ACSS3: variants seen among roughly 807,000 people sequenced by gnomAD.
ACSS3 encodes the protein acyl-CoA synthetase short chain family member 3.
Under a neutral mutation model 84.2 loss-of-function variants are expected in ACSS3, and 64 were observed. That is an observed-to-expected ratio of 0.76 (90% CI 0.62 to 0.94). ACSS3 has a LOEUF of 0.94. ACSS3 is among the 40% of genes least tolerant of loss of function. The probability of loss-of-function intolerance (pLI) is 0.00; values close to 1 mark genes in which losing one functional copy is unlikely to be tolerated. For synonymous variants in ACSS3, 317 were observed against 310.1 expected (o/e 1.02, Z -0.23); for missense variants, 815 against 867.6 (o/e 0.94, Z 0.76).
At chr12:81,185,074 G>A (rs747403180) in intron 8 of ACSS3, among the ~76,000 whole-genome samples, 19 of 151,610 alleles carry the variant, frequency 1.3e-4, no homozygotes, top group Non-Finnish European at 1.8e-4. Context: ...CTGATTTAAC[G>A]TACATAAATC....
At chr12:81,107,273 C>T (rs1451806773) in intron 1 of ACSS3, among the ~76,000 whole-genome samples, 5 of 151,502 alleles carry the variant, frequency 3.3e-5, no homozygotes, top group African/African-American at 1.2e-4. Context: ...TGAAAAAGAG[C>T]TGGCAAAGAA....
intron 13 of ACSS3, among the ~76,000 whole-genome samples, chr12:81,250,756 C>T (rs766765194): frequency 1.3e-5 from 2 of 152,010 alleles, no homozygotes; most frequent in African/African-American, 2.4e-5. Flanking sequence ...TAATTTTTGA[C>T]GATTAAAACT....
intron 7 of ACSS3, among the ~76,000 whole-genome samples, chr12:81,154,502 T>C (rs1361587199): frequency 6.6e-6 from 1 of 152,248 alleles, no homozygotes; most frequent in Non-Finnish European, 1.5e-5. Context: ...CTACAACTTA[T>C]AAATGTCTTT....
intron 9 of ACSS3, among the ~76,000 whole-genome samples, chr12:81,214,127 G>A (rs2032810058): frequency 1.3e-5 from 2 of 151,246 alleles, no homozygotes; most frequent in Non-Finnish European, 1.5e-5. Context: ...CTGAGTTCAA[G>A]CAATTCTCCT....
chr12:81,210,001 C>A (rs573614653), intron 9 of ACSS3, among the ~76,000 whole-genome samples: 1 of 152,178 alleles, frequency 6.6e-6, no homozygotes, highest in Admixed American at 6.5e-5. Context: ...TGGCCAGCTG[C>A]TTTACCTCTT....
At chr12:81,235,263 C>T (rs1286945529) in intron 13 of ACSS3, among the ~76,000 whole-genome samples, 4 of 151,136 alleles carry the variant, frequency 2.6e-5, no homozygotes, top group South Asian at 2.1e-4. Context: ...GAATATCTTT[C>T]TATTTCATTG....
At chr12:81,230,982 A>G in intron 11 of ACSS3, 75 bp from the exon 12 acceptor site, 2 of 1,134,176 alleles carry the variant, frequency 1.8e-6, no homozygotes, top group Admixed American at 4.2e-5. Context: ...GTCACAGTAG[A>G]AAAATAATAG....
chr12:81,160,890 C>G (rs981741334), intron 7 of ACSS3, among the ~76,000 whole-genome samples: 2 of 152,170 alleles, frequency 1.3e-5, no homozygotes, highest in Admixed American at 6.5e-5. Context: ...TTACTGCTTT[C>G]TGCCTTAGTC....
intron 2 of ACSS3, among the ~76,000 whole-genome samples, chr12:81,124,149 C>T (rs560719841): frequency 3.1e-4 from 47 of 152,102 alleles, no homozygotes; most frequent in Non-Finnish European, 6.6e-4. Context: ...TTGCCAGCCC[C>T]TGTTGTTTTT....
At chr12:81,242,287 A>G (rs994923106) in intron 13 of ACSS3, among the ~76,000 whole-genome samples, 3 of 152,114 alleles carry the variant, frequency 2.0e-5, no homozygotes, top group African/African-American at 7.2e-5. Flanking sequence ...CGACACATAC[A>G]CTCTCGCAAG....
intron 2 of ACSS3, among the ~76,000 whole-genome samples, chr12:81,115,840 T>C (rs11114773): frequency 0.078 from 11,823 of 152,118 alleles, 637 homozygotes; most frequent in Non-Finnish European, 0.12. Context: ...GTTTAAAAAA[T>C]AATTAATGTT....
At chr12:81,152,121 A>G in intron 7 of ACSS3, 25 bp downstream of exon 7, 1 of 1,550,590 alleles carries the variant, frequency 6.4e-7, no homozygotes, top group Non-Finnish European at 8.8e-7. Context: ...TTAATACCAC[A>G]TATAAATGAT....
chr12:81,181,253 ACTAAGGCAT>A (rs11277540), intron 8 of ACSS3, among the ~76,000 whole-genome samples: 27,167 of 151,994 alleles, frequency 0.18, 2,713 homozygotes, highest in East Asian at 0.39. Flanking sequence ...CAGCCAGGTC[ACTAAGGCAT>A]CTGCAGTCAT....
chr12:81,084,693 T>C (rs1881203158), intron 1 of ACSS3, among the ~76,000 whole-genome samples: 1 of 151,888 alleles, frequency 6.6e-6, no homozygotes, highest in Admixed American at 6.6e-5. Context: ...TGGAAATGGA[T>C]GAGACATTCA....
chr12:81,173,957 ATC>A (rs2030278735), intron 7 of ACSS3, among the ~76,000 whole-genome samples: 1 of 140,174 alleles, frequency 7.1e-6, no homozygotes, highest in African/African-American at 2.6e-5. Flanking sequence ...ATATATATAT[ATC>A]CAAGACATTT....
intron 1 of ACSS3, among the ~76,000 whole-genome samples, chr12:81,090,232 T>C (rs2121323745): frequency 6.6e-6 from 1 of 152,124 alleles, no homozygotes; most frequent in South Asian, 2.1e-4. Context: ...AGGGATTTTA[T>C]CTTAAAACCT....
chr12:81,140,775 A>AAC (rs1313497882), intron 4 of ACSS3, among the ~76,000 whole-genome samples: 1 of 152,178 alleles, frequency 6.6e-6, no homozygotes, highest in African/African-American at 2.4e-5. Context: ...GAATGGCAGG[A>AAC]ACACACACAC....
chr12:81,101,048 A>G (rs959845783), intron 1 of ACSS3, among the ~76,000 whole-genome samples: 1 of 152,200 alleles, frequency 6.6e-6, no homozygotes, highest in Non-Finnish European at 1.5e-5. Context: ...GTAGCCAGTT[A>G]TTATTGACTT....
At chr12:81,162,766 A>T (rs1319744057) in intron 7 of ACSS3, among the ~76,000 whole-genome samples, 1 of 151,934 alleles carries the variant, frequency 6.6e-6, no homozygotes, top group Non-Finnish European at 1.5e-5. Context: ...GCCCCCTTTG[A>T]TCCCCCTCCT....
Sources: gnomAD v4.1 joint callset for allele counts (sites outside exome capture counted in the v4.1 genomes callset) on GRCh38, gnomAD v4.1.1 for gene constraint, MANE v1.5 for transcripts, NCBI Gene and HGNC (gene_info 2026-07-23, HGNC 2026-07-21) for gene names.